The following SMCHD1 variants were observed in gnomAD, a reference collection of about 807,000 sequenced individuals.
The protein encoded by SMCHD1 is structural maintenance of chromosomes flexible hinge domain containing 1.
In SMCHD1, 78 loss-of-function variants were observed where a neutral mutation model predicts 254.7. The ratio of observed to expected loss-of-function variants is 0.31; its 90% CI spans 0.26 to 0.37. SMCHD1 has a LOEUF of 0.37. Ranked by LOEUF, SMCHD1 falls within the 10% of genes least tolerant of loss-of-function variation. SMCHD1 has a pLI of 1.00. For synonymous variants in SMCHD1, 766 were observed against 794.9 expected (o/e 0.96, Z 0.61); for missense variants, 1,840 against 2,408.1 (o/e 0.76, Z 4.94).
At chr18:2,726,116 A>G (rs2143435941) in intron 21 of SMCHD1, among the ~76,000 whole-genome samples, 1 of 151,978 alleles carries the variant, frequency 6.6e-6, no homozygotes, top group East Asian at 1.9e-4. Context: ...ATGTTTTATA[A>G]TATCTATCTT....
chr18:2,684,578 A>G (rs901153701), intron 5 of SMCHD1, among the ~76,000 whole-genome samples: 2 of 152,014 alleles, frequency 1.3e-5, no homozygotes, highest in Non-Finnish European at 2.9e-5. Flanking sequence ...TGTTTAGATC[A>G]GTTGCTTTTA....
At chr18:2,673,450 A>T in intron 4 of SMCHD1, 87 bp downstream of exon 4, 1 of 975,200 alleles carries the variant, frequency 1.0e-6, no homozygotes, top group East Asian at 2.8e-5. Context: ...AAATAGAGAT[A>T]AAACTAAAAG....
chr18:2,656,649 G>A (rs1023760267), intron 1 of SMCHD1, among the ~76,000 whole-genome samples: 1 of 152,264 alleles, frequency 6.6e-6, no homozygotes, highest in Non-Finnish European at 1.5e-5. Context: ...AACGAGAGAA[G>A]GGAGTTAACG....
chr18:2,670,600 T>G (rs2073567015), intron 3 of SMCHD1, among the ~76,000 whole-genome samples: 1 of 152,188 alleles, frequency 6.6e-6, no homozygotes, highest in Admixed American at 6.5e-5. Flanking sequence ...ACATAGGTGC[T>G]TAAATATTTT....
chr18:2,689,011 T>G (rs2074112865), intron 7 of SMCHD1, among the ~76,000 whole-genome samples: 1 of 152,082 alleles, frequency 6.6e-6, no homozygotes, highest in African/African-American at 2.4e-5. Context: ...ATAATAAAAT[T>G]ATAGAGTAGA....
At chr18:2,782,804 G>T (rs893158243) in intron 44 of SMCHD1, among the ~76,000 whole-genome samples, 2 of 143,950 alleles carry the variant, frequency 1.4e-5, no homozygotes, top group African/African-American at 5.1e-5. Context: ...TTGACTGCCT[G>T]AATCTTGATA....
intron 17 of SMCHD1, among the ~76,000 whole-genome samples, chr18:2,711,236 G>C (rs1284898699): frequency 2.6e-5 from 4 of 151,272 alleles, no homozygotes; most frequent in African/African-American, 9.7e-5. Context: ...TATGCACCAG[G>C]ACAACTGCCC....
chr18:2,804,871 G>GTGT lies in SMCHD1; in HGVS notation c.*2321_*2323dup, dbSNP rs1487099253. 69 of 152,240 alleles carry GTGT rather than the reference G, an allele frequency of 4.5e-4. No individual in the cohort carries two copies. The highest frequency in any genetic ancestry group is 1.6e-3 in the African/African-American group (67 of 41,544). 9.4% of individuals were successfully genotyped at this position (152,240 alleles called of 1,614,324 possible). ...AATTAATGCTACAGCCATTTATCCT[G>GTGT]TGTTATGTGTTATATAATCTGAAAT... On this transcript the variant is annotated 3_prime_UTR_variant, in exon 48 of 48. Transcript: ENST00000320876.
intron 28 of SMCHD1, among the ~76,000 whole-genome samples, chr18:2,742,164 T>G (rs2075363797): frequency 6.6e-6 from 1 of 152,236 alleles, no homozygotes; most frequent in Non-Finnish European, 1.5e-5. Context: ...TAGTATGGCC[T>G]GTAATACCTA....
At chr18:2,725,755 T>C (rs1257893015) in intron 21 of SMCHD1, among the ~76,000 whole-genome samples, 1 of 151,902 alleles carries the variant, frequency 6.6e-6, no homozygotes, top group African/African-American at 2.4e-5. Context: ...ATTCAGATTT[T>C]TCTGGAAAAA....
At chr18:2,679,499 A>AAAAAAAG (rs2073874716) in intron 5 of SMCHD1, among the ~76,000 whole-genome samples, 2 of 147,254 alleles carry the variant, frequency 1.4e-5, no homozygotes, top group African/African-American at 5.2e-5. Flanking sequence ...AAAAAAAAAA[A>AAAAAAAG]GGAACTCTTG....
intron 45 of SMCHD1, chr18:2,785,020 T>A: frequency 3.2e-6 from 1 of 316,754 alleles, no homozygotes; most frequent in Non-Finnish European, 6.1e-6. Flanking sequence ...ATAATACTTA[T>A]TTCTATCTTG....
chr18:2,674,221 G>T (rs1352133791), intron 5 of SMCHD1, 76 bp downstream of exon 5: 1 of 1,209,662 alleles, frequency 8.3e-7, no homozygotes, highest in African/African-American at 1.5e-5. Context: ...TATGCCTTTG[G>T]ATGCATATGA....
Position 2,688,492 on chromosome 18 carries a change from T to C in SMCHD1, c.737T>C (p.Val246Ala). 6.2e-7 allele frequency: 1 copy of C among 1,613,190 alleles called. No homozygotes were observed. The highest frequency in any genetic ancestry group is 8.5e-7 in the Non-Finnish European group (1 of 1,179,220). Residue 246 changes from valine (V) to alanine (A), a missense_variant, in exon 6 of 48, where the codon GTT becomes GCT. By Grantham distance (64) the Val-to-Ala change is moderately conservative. Around this residue, in one of 9 missense-constraint regions of SMCHD1, gnomAD observed 498 missense variants for 743.5 expected, o/e 0.67. Coordinates refer to ENST00000320876, the MANE Select transcript of SMCHD1 (RefSeq NM_015295.3). The part of the protein sequence containing the change: ...GVGGKQAVFF[V>A]GQSARMISKP... ...GGGGGCAAGCAAGCTGTCTTCTTTG[T>C]TGGACAATCAGCCAGAGTAAGTAAA...
At chr18:2,770,685 G>A (rs888547806) in intron 39 of SMCHD1, among the ~76,000 whole-genome samples, 1 of 151,910 alleles carries the variant, frequency 6.6e-6, no homozygotes, top group Non-Finnish European at 1.5e-5. Context: ...GCAGTGGCAC[G>A]ATCTCACTCA....
intron 21 of SMCHD1, among the ~76,000 whole-genome samples, chr18:2,725,921 C>T (rs1184622739): frequency 6.6e-6 from 1 of 151,878 alleles, no homozygotes. Flanking sequence ...GAAAGTTCCT[C>T]TGTTAATGTC....
intron 33 of SMCHD1, 142 bp from the exon 34 acceptor site, chr18:2,752,346 C>T (rs1175931267): frequency 1.9e-5 from 12 of 637,940 alleles, no homozygotes; most frequent in South Asian, 3.6e-5. Flanking sequence ...AAGATATAAA[C>T]GTGTGTATAT....
chr18:2,751,715 A>G (rs978469849), intron 33 of SMCHD1, among the ~76,000 whole-genome samples: 2 of 152,130 alleles, frequency 1.3e-5, no homozygotes, highest in African/African-American at 2.4e-5. Flanking sequence ...TGAGATAGTA[A>G]AGAGATAGGA....
At chr18:2,798,781 T>C (rs777206100) in intron 47 of SMCHD1, among the ~76,000 whole-genome samples, 8 of 152,214 alleles carry the variant, frequency 5.3e-5, no homozygotes, top group Non-Finnish European at 8.8e-5. Context: ...CATAATTTTT[T>C]AAAGAAGTAT....
Sources: allele counts gnomAD v4.1 joint callset (sites outside exome capture counted in the v4.1 genomes callset), GRCh38; gene constraint gnomAD v4.1.1; regional missense constraint gnomAD v4.1.1; transcripts MANE v1.5; gene names NCBI Gene and HGNC (gene_info 2026-07-23, HGNC 2026-07-21).